EIF3H: variants seen among roughly 807,000 people sequenced by gnomAD.
EIF3H encodes eIF-3-gamma.
Under a neutral mutation model 44.2 loss-of-function variants are expected in EIF3H, and 26 were observed. The observed-to-expected ratio is 0.59, with a 90% confidence interval of 0.43 to 0.82. The LOEUF (loss-of-function observed/expected upper bound fraction) is 0.82, where lower values mean the gene tolerates loss of function less well. EIF3H is among the 40% of genes least tolerant of loss of function. The pLI is 0.00. For missense variants in EIF3H, 359 were observed against 432.8 expected (o/e 0.83, Z 1.51); for synonymous variants, 166 against 151.9 (o/e 1.09, Z -0.68).
chr8:116,697,264 A>G (rs1433781653), intron 2 of EIF3H: 1 of 446,018 alleles, frequency 2.2e-6, no homozygotes, highest in African/African-American at 2.0e-5. Flanking sequence ...GAAACAAAAA[A>G]AGAATAGATT....
chr8:116,734,976 C>T (rs1036304277), intron 1 of EIF3H, among the ~76,000 whole-genome samples: 4 of 152,186 alleles, frequency 2.6e-5, no homozygotes, highest in Admixed American at 6.5e-5. Context: ...GGAAAAGTTA[C>T]CATAGCTTTT....
chr8:116,721,732 A>C (rs1814749697), intron 2 of EIF3H, among the ~76,000 whole-genome samples: 1 of 152,200 alleles, frequency 6.6e-6, no homozygotes, highest in Non-Finnish European at 1.5e-5. Context: ...TCACTTTTGG[A>C]GTTTTAAGAT....
At chr8:116,751,019 C>T (rs1411421989) in intron 1 of EIF3H, among the ~76,000 whole-genome samples, 4 of 151,016 alleles carry the variant, frequency 2.6e-5, no homozygotes, top group African/African-American at 2.4e-5. Flanking sequence ...GAGACCATCC[C>T]GGCTAAAACG....
chr8:116,657,584 CA>C (rs1352379409), intron 3 of EIF3H: 4 of 419,326 alleles, frequency 9.5e-6, no homozygotes, highest in African/African-American at 8.2e-5. Flanking sequence ...ATTCATTCCT[CA>C]GCAAGAACTA....
At chr8:116,725,929 T>C in intron 2 of EIF3H, 87 bp downstream of exon 2, 2 of 1,433,076 alleles carry the variant, frequency 1.4e-6, no homozygotes, top group Non-Finnish European at 1.9e-6. Context: ...GATTCCCAAT[T>C]CACACATTAT....
intron 2 of EIF3H, among the ~76,000 whole-genome samples, chr8:116,708,366 T>G (rs920824840): frequency 2.0e-5 from 3 of 152,062 alleles, no homozygotes; most frequent in Non-Finnish European, 4.4e-5. Flanking sequence ...TAAACCTTCA[T>G]AGTCTTCCCT....
chr8:116,750,847 C>G (rs1226742096), intron 1 of EIF3H, among the ~76,000 whole-genome samples: 1 of 152,128 alleles, frequency 6.6e-6, no homozygotes, highest in African/African-American at 2.4e-5. Context: ...TCCTTCAATT[C>G]AATGGAAAGT....
intron 6 of EIF3H, among the ~76,000 whole-genome samples, chr8:116,647,195 C>T (rs567869065): frequency 5.1e-4 from 78 of 152,122 alleles, no homozygotes; most frequent in African/African-American, 1.9e-3. Flanking sequence ...CCCGCCTCCC[C>T]AGTTCAAGCA....
At chr8:116,722,571 A>G (rs1814768026) in intron 2 of EIF3H, among the ~76,000 whole-genome samples, 1 of 152,216 alleles carries the variant, frequency 6.6e-6, no homozygotes, top group African/African-American at 2.4e-5. Flanking sequence ...ATATGTATGT[A>G]TCTTTTATCA....
intron 1 of EIF3H, among the ~76,000 whole-genome samples, chr8:116,748,163 A>G (rs1000566802): frequency 3.6e-4 from 55 of 152,022 alleles, no homozygotes; most frequent in African/African-American, 1.2e-3. Flanking sequence ...AAAAACAAAA[A>G]AAAAAACAAA....
chr8:116,756,362 T>C (rs1432931339), upstream of EIF3H, among the ~76,000 whole-genome samples: 2 of 152,236 alleles, frequency 1.3e-5, no homozygotes, highest in South Asian at 2.1e-4. Context: ...ATTAGCTTCA[T>C]GTAGAGATTT....
chr8:116,642,489 G>A lies in EIF3H; in HGVS notation c.*2517C>T, dbSNP rs892627453. ...TGGGAGCAGGAATCCATTCTTTCAG[G>A]TTTTAAGAATAATGTTATGATTATT... On this transcript the variant is annotated 3_prime_UTR_variant, in exon 8 of 8. Coordinates refer to ENST00000521861, the MANE Select transcript of EIF3H (RefSeq NM_003756.3). 1 of 152,002 alleles carries A rather than the reference G, an allele frequency of 6.6e-6. No individual in the cohort carries two copies. The highest frequency in any genetic ancestry group is 6.6e-5 in the Admixed American group (1 of 15,264). 9.4% of individuals were successfully genotyped at this position (152,002 alleles called of 1,614,324 possible). A position where few individuals can be genotyped will look rare whatever the true frequency, so the allele number is the denominator to read the frequency against.
intron 5 of EIF3H, among the ~76,000 whole-genome samples, chr8:116,651,846 C>T (rs1813399464): frequency 6.6e-6 from 1 of 152,154 alleles, no homozygotes; most frequent in Non-Finnish European, 1.5e-5. Flanking sequence ...TACTACAAGT[C>T]TGGAATCTGT....
intron 2 of EIF3H, among the ~76,000 whole-genome samples, chr8:116,691,684 G>A (rs1300074159): frequency 6.6e-6 from 1 of 152,086 alleles, no homozygotes; most frequent in Admixed American, 6.5e-5. Context: ...AGACCAGCCT[G>A]GACAACATGG....
At chr8:116,678,258 G>C (rs1438323772) in intron 2 of EIF3H, among the ~76,000 whole-genome samples, 1 of 152,148 alleles carries the variant, frequency 6.6e-6, no homozygotes, top group Non-Finnish European at 1.5e-5. Flanking sequence ...GCCTCCCGAG[G>C]TGCCGGGATT....
At chr8:116,689,860 T>C (rs529784746) in intron 2 of EIF3H, among the ~76,000 whole-genome samples, 1 of 152,266 alleles carries the variant, frequency 6.6e-6, no homozygotes, top group East Asian at 1.9e-4. Flanking sequence ...AGTTAACTAG[T>C]ATGAGTAAAA....
chr8:116,679,344 G>T (rs1316675671), intron 2 of EIF3H, among the ~76,000 whole-genome samples: 3 of 71,762 alleles, frequency 4.2e-5, no homozygotes, highest in East Asian at 3.2e-4. Context: ...GGAGGAAGGT[G>T]GGGGGGTCAG....
intron 2 of EIF3H, among the ~76,000 whole-genome samples, chr8:116,704,936 C>T (rs76165475): frequency 0.012 from 1,788 of 152,208 alleles, 38 homozygotes; most frequent in African/African-American, 0.04. Flanking sequence ...GTACATTATA[C>T]CAAATGTAAA....
At chr8:116,727,815 C>T (rs1385638140) in intron 1 of EIF3H, among the ~76,000 whole-genome samples, 4 of 152,126 alleles carry the variant, frequency 2.6e-5, no homozygotes, top group Non-Finnish European at 5.9e-5. Flanking sequence ...TAATTCTGTG[C>T]ACTGTAACAT....
Sources: allele counts gnomAD v4.1 joint callset (sites outside exome capture counted in the v4.1 genomes callset), GRCh38; gene constraint gnomAD v4.1.1; transcripts MANE v1.5; gene names NCBI Gene and HGNC (gene_info 2026-07-23, HGNC 2026-07-21).